The following TEX11 variants were observed in gnomAD, a reference collection of about 807,000 sequenced individuals.
The protein encoded by TEX11 is testis-expressed protein 11.
In TEX11, 7 loss-of-function variants were observed where a neutral mutation model predicts 84.4. That is an observed-to-expected ratio of 0.08 (90% CI 0.05 to 0.16). TEX11 has a LOEUF of 0.16. Among genes scored for constraint, TEX11 ranks in the 10% least tolerant of loss-of-function variants. The probability of loss-of-function intolerance (pLI) is 1.00; values close to 1 mark genes in which losing one functional copy is unlikely to be tolerated. For synonymous variants in TEX11, 264 were observed against 222.8 expected (o/e 1.18, Z -1.64); for missense variants, 551 against 660.5 (o/e 0.83, Z 1.82).
At chrX:70,875,959 A>G (rs1194579698) in intron 3 of TEX11, among the ~76,000 whole-genome samples, 4 of 111,792 alleles carry the variant, frequency 3.6e-5, no homozygotes, top group Non-Finnish European at 5.6e-5. Flanking sequence ...TATGCACACT[A>G]AAACATTTAG....
In TEX11 at chrX:70,761,842, C is replaced by T. The variant is rs150121660; in HGVS notation, c.693-17623G>A. 8.5e-3 allele frequency among the ~76,000 whole-genome samples: 941 copies of T among 111,001 alleles called. 7 individuals are homozygous for T. The highest frequency in any genetic ancestry group is 0.029 in the African/African-American group (892 of 30,511). ...AGAACACCAGATTTAACCCAAAGAA[C>T]GCTACCTCAAGTATTTAAAAATCAA... On this transcript the variant is annotated intron_variant, in intron 9 of 29. Coordinates refer to ENST00000374333, the MANE Select transcript of TEX11 (RefSeq NM_031276.3).
intron 16 of TEX11, among the ~76,000 whole-genome samples, chrX:70,661,546 G>T (rs984890828): frequency 8.9e-6 from 1 of 112,023 alleles, no homozygotes; most frequent in African/African-American, 3.2e-5. Flanking sequence ...CTAGCATGCA[G>T]CTGGAGATCT....
intron 20 of TEX11, among the ~76,000 whole-genome samples, chrX:70,618,316 C>T (rs767514590): frequency 9.0e-6 from 1 of 111,211 alleles, no homozygotes; most frequent in African/African-American, 3.3e-5. Flanking sequence ...CAGAAGAATC[C>T]CCTTCCAGGT....
At chrX:70,737,003 G>C (rs958921092) in intron 11 of TEX11, among the ~76,000 whole-genome samples, 6 of 111,423 alleles carry the variant, frequency 5.4e-5, no homozygotes, top group African/African-American at 2.0e-4. Context: ...GTGAAAGACA[G>C]AGCAGGCAAA....
intron 9 of TEX11, among the ~76,000 whole-genome samples, chrX:70,773,505 A>G (rs1478338654): frequency 8.9e-6 from 1 of 111,926 alleles, no homozygotes; most frequent in African/African-American, 3.2e-5. Flanking sequence ...GGAGTTCATC[A>G]CCACTGTCCC....
At chrX:70,739,136 T>A (rs1383716231) in intron 11 of TEX11, among the ~76,000 whole-genome samples, 1 of 111,495 alleles carries the variant, frequency 9.0e-6, no homozygotes, top group African/African-American at 3.3e-5. Context: ...AAGAAAATAT[T>A]CCTGTCTATA....
At chrX:70,687,481 A>G (rs2090198621) in intron 13 of TEX11, among the ~76,000 whole-genome samples, 1 of 110,924 alleles carries the variant, frequency 9.0e-6, no homozygotes, top group Non-Finnish European at 1.9e-5. Flanking sequence ...ATCTAAAAAA[A>G]AAAAGCCAAC....
At chrX:70,643,153 G>A (rs1172961580) in intron 17 of TEX11, among the ~76,000 whole-genome samples, 26 of 87,088 alleles carry the variant, frequency 3.0e-4, no homozygotes, top group African/African-American at 1.0e-3. Flanking sequence ...CAAATCATGA[G>A]TGAACTCCCA....
At chrX:70,887,633 G>T (rs765467957) in intron 2 of TEX11, among the ~76,000 whole-genome samples, 2 of 112,368 alleles carry the variant, frequency 1.8e-5, no homozygotes, top group East Asian at 5.6e-4. Context: ...ACCCACCCAG[G>T]GCCTGGGAGA....
chrX:70,541,707 G>A (rs983476840), intron 28 of TEX11, among the ~76,000 whole-genome samples: 32 of 111,328 alleles, frequency 2.9e-4, no homozygotes, highest in Non-Finnish European at 4.0e-4. Flanking sequence ...GCAGTAAGCC[G>A]AGATGGCGCC....
intron 20 of TEX11, among the ~76,000 whole-genome samples, chrX:70,614,219 G>C (rs1271159484): frequency 9.1e-6 from 1 of 109,983 alleles, no homozygotes; most frequent in Non-Finnish European, 1.9e-5. Flanking sequence ...GCCACAGTAG[G>C]GTAGAGCATC....
intron 14 of TEX11, among the ~76,000 whole-genome samples, chrX:70,680,477 C>T (rs2090137919): frequency 1.1e-5 from 1 of 87,649 alleles, no homozygotes; most frequent in Non-Finnish European, 2.2e-5. Context: ...CTAGGAAAAC[C>T]AGAGACCTTT....
chrX:70,579,001 A>T (rs2088724065), intron 25 of TEX11, among the ~76,000 whole-genome samples: 1 of 107,998 alleles, frequency 9.3e-6, no homozygotes, highest in African/African-American at 3.4e-5. Flanking sequence ...CGAACTCCTG[A>T]CCTCAGGTGA....
At chrX:70,816,853 C>T (rs779000825) in intron 8 of TEX11, among the ~76,000 whole-genome samples, 53 of 111,133 alleles carry the variant, frequency 4.8e-4, no homozygotes, top group African/African-American at 1.5e-3. Flanking sequence ...GGTAAGCACC[C>T]AGGGAAAGAA....
chrX:70,709,201 T>C (rs1161983930), intron 13 of TEX11, among the ~76,000 whole-genome samples: 1 of 111,240 alleles, frequency 9.0e-6, no homozygotes, highest in East Asian at 2.8e-4. Context: ...AAGAGAAAGA[T>C]CTAGGGTGAT....
At chrX:70,783,531 C>A (rs761915953) in intron 9 of TEX11, among the ~76,000 whole-genome samples, 13 of 111,436 alleles carry the variant, frequency 1.2e-4, no homozygotes, top group African/African-American at 4.2e-4. Context: ...ATCAATGAAT[C>A]CAAGAGCTGG....
chrX:70,623,362 G>A (rs1042910894), intron 20 of TEX11, among the ~76,000 whole-genome samples: 6 of 111,665 alleles, frequency 5.4e-5, no homozygotes, highest in African/African-American at 1.6e-4. Flanking sequence ...AGTCTTCAAC[G>A]AATTGTTAAG....
At chrX:70,802,017 C>T (rs1004787208) in intron 9 of TEX11, among the ~76,000 whole-genome samples, 26 of 111,357 alleles carry the variant, frequency 2.3e-4, no homozygotes, top group Non-Finnish European at 9.4e-5. Context: ...CATACAAGAC[C>T]CCTGATGGAC....
At chrX:70,854,578 A>T (rs1409421730) in intron 5 of TEX11, among the ~76,000 whole-genome samples, 1 of 109,464 alleles carries the variant, frequency 9.1e-6, no homozygotes, top group Non-Finnish European at 1.9e-5. Flanking sequence ...TCTACAAAAA[A>T]TTTAAAAATT....
Sources: allele counts gnomAD v4.1 joint callset (sites outside exome capture counted in the v4.1 genomes callset), GRCh38; gene constraint gnomAD v4.1.1; transcripts MANE v1.5; gene names NCBI Gene and HGNC (gene_info 2026-07-23, HGNC 2026-07-21).